PTPRN2: variants seen among roughly 807,000 people sequenced by gnomAD.
PTPRN2 encodes receptor-type tyrosine-protein phosphatase N2.
In PTPRN2, 74 loss-of-function variants were observed where a neutral mutation model predicts 118.8. The observed-to-expected ratio is 0.62, with a 90% CI of 0.52 to 0.76. The LOEUF is 0.76. PTPRN2 is among the 30% of genes least tolerant of loss of function. The pLI is 0.00. For missense variants in PTPRN2, 1,481 were observed against 1,394.4 expected (o/e 1.06, Z -0.99); for synonymous variants, 641 against 608.0 (o/e 1.05, Z -0.80).
chr7:157,594,884 G>A (rs368145085), intron 17 of PTPRN2, among the ~76,000 whole-genome samples: 2 of 152,308 alleles, frequency 1.3e-5, no homozygotes, highest in South Asian at 2.1e-4. Flanking sequence ...ATGTACTTGG[G>A]TCCTGCTGTG....
chr7:157,775,979 C>T (rs534792213), intron 12 of PTPRN2, among the ~76,000 whole-genome samples: 7 of 151,932 alleles, frequency 4.6e-5, no homozygotes, highest in Non-Finnish European at 1.0e-4. Context: ...GGGCTGGGCC[C>T]GGGGGGATAG....
rs138135063 is a variant in PTPRN2 at position 157,771,096 on chromosome 7, C to CCCAAG, written c.1789-88164_1789-88160dup. Among the ~76,000 whole-genome samples the CCCAAG allele has an allele frequency of 5.5e-3, 842 of 152,350 alleles. 6 individuals are homozygous for CCCAAG. The highest frequency in any genetic ancestry group is 0.019 in the African/African-American group (789 of 41,582). On this transcript the variant is annotated intron_variant, in intron 12 of 22. Transcript: ENST00000389418. ...AACTCGCTGCCATTCTGTGAGGAAG[C>CCCAAG]CCAAGCAGCCTTGTGGAGGCTCCAC...
At chr7:158,013,489 TATCCATCCTCCAATTCATCTGTTC>T (rs1806190186) in intron 11 of PTPRN2, among the ~76,000 whole-genome samples, 1 of 147,296 alleles carries the variant, frequency 6.8e-6, no homozygotes, top group Non-Finnish European at 1.5e-5. Context: ...TCCATATATC[TATCCATCCTCCAATTCATCTGTTC>T]ATCCATCCAT....
intron 12 of PTPRN2, among the ~76,000 whole-genome samples, chr7:157,786,980 G>A (rs796211209): frequency 5.3e-4 from 81 of 152,246 alleles, no homozygotes; most frequent in African/African-American, 1.9e-3. Flanking sequence ...GCCTGAGGAA[G>A]CCACTGAGCC....
chr7:158,395,780 CGAGGGGCGAGGGGT>C (rs1329200553), intron 2 of PTPRN2, among the ~76,000 whole-genome samples: 1,648 of 39,414 alleles, frequency 0.042, 114 homozygotes, highest in Middle Eastern at 0.081. Context: ...GGGTGAGGCG[CGAGGGGCGAGGGGT>C]GAGGCGCGAG....
intron 12 of PTPRN2, among the ~76,000 whole-genome samples, chr7:157,846,957 C>T (rs936936318): frequency 6.7e-6 from 1 of 149,824 alleles, no homozygotes; most frequent in Non-Finnish European, 1.5e-5. Context: ...CATGTGTGCC[C>T]AATGTTTACA....
At chr7:158,277,427 C>T (rs989290644) in intron 3 of PTPRN2, among the ~76,000 whole-genome samples, 4 of 152,192 alleles carry the variant, frequency 2.6e-5, no homozygotes, top group South Asian at 2.1e-4. Context: ...GAGACACGGA[C>T]GTTTGTACCT....
At chr7:158,105,239 C>A (rs866810943) in intron 10 of PTPRN2, among the ~76,000 whole-genome samples, 7 of 145,184 alleles carry the variant, frequency 4.8e-5, no homozygotes, top group Admixed American at 2.1e-4. Flanking sequence ...AAACTCCATC[C>A]CAACTCCACC....
chr7:158,518,567 T>A (rs963683057), intron 1 of PTPRN2, among the ~76,000 whole-genome samples: 7 of 151,966 alleles, frequency 4.6e-5, no homozygotes, highest in African/African-American at 1.7e-4. Flanking sequence ...CAACAGAGGA[T>A]ATAAACAGAT....
chr7:158,156,706 G>C (rs116378722), intron 6 of PTPRN2, among the ~76,000 whole-genome samples: 1 of 152,194 alleles, frequency 6.6e-6, no homozygotes, highest in Non-Finnish European at 1.5e-5. Context: ...GCACTCACCC[G>C]TGGGAAGGGG....
chr7:157,747,386 G>T (rs1243433831), intron 12 of PTPRN2, among the ~76,000 whole-genome samples: 1 of 139,178 alleles, frequency 7.2e-6, no homozygotes, highest in Non-Finnish European at 1.5e-5. Context: ...CTGAGCTGTG[G>T]GCTGTTGAGG....
In PTPRN2 at chr7:157,596,222, G is replaced by T. The variant is rs1370566673; in HGVS notation, c.2419-907C>A. Among the ~76,000 whole-genome samples, 1 of 152,206 alleles carries T rather than the reference G, an allele frequency of 6.6e-6. No individual in the cohort carries two copies. Among genetic ancestry groups the T allele is most frequent in the Admixed American group, 6.5e-5 (1 of 15,282 alleles). ...CCCTGCTGGAGTTAACTCGTTGTGT[G>T]TGGGGGCTTGTTTTTGTGTATCCTG... On this transcript the variant is annotated intron_variant, in intron 16 of 22. Transcript: ENST00000389418. This position sits in a 1 kb window ranked among gnomAD's most constrained non-coding sequence, Gnocchi z 4.2.
At chr7:157,880,078 T>C (rs1355252841) in intron 12 of PTPRN2, among the ~76,000 whole-genome samples, 1 of 152,218 alleles carries the variant, frequency 6.6e-6, no homozygotes, top group African/African-American at 2.4e-5. Flanking sequence ...AGCTTCCGCT[T>C]ATTCATGTGT....
chr7:157,913,206 C>T (rs757399132), intron 11 of PTPRN2, among the ~76,000 whole-genome samples: 1 of 152,104 alleles, frequency 6.6e-6, no homozygotes, highest in Admixed American at 6.5e-5. Flanking sequence ...TTTTAAACAG[C>T]ATTTTCTAAC....
At chr7:157,620,303 C>G (rs1803078813) in intron 15 of PTPRN2, among the ~76,000 whole-genome samples, 1 of 152,184 alleles carries the variant, frequency 6.6e-6, no homozygotes, top group Non-Finnish European at 1.5e-5. Context: ...CCCTCCTCAT[C>G]TTGTAAGCAG....
Position 157,550,757 on chromosome 7 carries a change from G to A in PTPRN2, c.2903-1738C>T, listed in dbSNP as rs375122913. On this transcript the variant is annotated intron_variant, in intron 21 of 22. Transcript: ENST00000389418. This position sits in a 1 kb window ranked among gnomAD's most constrained non-coding sequence, Gnocchi z 5.2. The stretch of plus-strand genomic sequence containing the variant: ...GGCATAAAAGGCGGCTTTCTTTTGC[G>A]GCAGCCCGTGAGCTCGGCCACCAGG... 3.3e-5 allele frequency among the ~76,000 whole-genome samples: 5 copies of A among 152,328 alleles called. No homozygotes were observed. The highest frequency in any genetic ancestry group is 6.5e-5 in the Admixed American group (1 of 15,308).
intron 3 of PTPRN2, among the ~76,000 whole-genome samples, chr7:158,252,525 C>T (rs1415235173): frequency 6.6e-6 from 1 of 152,152 alleles, no homozygotes; most frequent in East Asian, 1.9e-4. Context: ...CCCCCCAGCC[C>T]CAGCCCTGCA....
intron 2 of PTPRN2, among the ~76,000 whole-genome samples, chr7:158,444,454 G>A (rs920946087): frequency 9.9e-5 from 15 of 152,236 alleles, no homozygotes; most frequent in Non-Finnish European, 1.3e-4. Flanking sequence ...TGCTGCAAAC[G>A]TCAGTTTGAT....
chr7:157,874,895 G>A lies in PTPRN2; in HGVS notation c.1788+23778C>T, dbSNP rs756104546. Among the ~76,000 whole-genome samples, 4 of 149,768 alleles carry A rather than the reference G, an allele frequency of 2.7e-5. No homozygotes were observed. Among genetic ancestry groups the A allele is most frequent in the African/African-American group, 7.4e-5 (3 of 40,620 alleles). ...CACATACACACACGGAGACACACTC[G>A]TGCACATACACACACACTCATGCAC... On this transcript the variant is annotated intron_variant, in intron 12 of 22. Coordinates refer to ENST00000389418, the MANE Select transcript of PTPRN2 (RefSeq NM_002847.5). This position sits in a 1 kb window ranked among gnomAD's most constrained non-coding sequence, Gnocchi z 5.8.
Sources: gnomAD v4.1 joint callset for allele counts (sites outside exome capture counted in the v4.1 genomes callset) on GRCh38, gnomAD v4.1.1 for gene constraint, Gnocchi (gnomAD v3.1) non-coding constraint, MANE v1.5 for transcripts, NCBI Gene and HGNC (gene_info 2026-07-23, HGNC 2026-07-21) for gene names.